The following ARID3B variants were observed in gnomAD, a reference collection of about 807,000 sequenced individuals.
ARID3B encodes the protein AT-rich interactive domain-containing protein 3B.
Under a neutral mutation model 51.9 loss-of-function variants are expected in ARID3B, and 10 were observed. The ratio of observed to expected loss-of-function variants is 0.19; its 90% confidence interval spans 0.12 to 0.33. The LOEUF (loss-of-function observed/expected upper bound fraction) is 0.33, where lower values mean the gene tolerates loss of function less well. Among genes scored for constraint, ARID3B ranks in the 10% least tolerant of loss-of-function variants. The probability of loss-of-function intolerance (pLI) is 1.00; values close to 1 mark genes in which losing one functional copy is unlikely to be tolerated. For synonymous variants in ARID3B, 205 were observed against 279.5 expected (o/e 0.73, Z 2.66); for missense variants, 483 against 716.3 (o/e 0.67, Z 3.72).
intron 2 of ARID3B, among the ~76,000 whole-genome samples, chr15:74,555,580 C>T (rs967466372): frequency 6.6e-6 from 1 of 152,078 alleles, no homozygotes; most frequent in African/African-American, 2.4e-5. Context: ...AATCCTCCTG[C>T]CTCAGCTTCC....
intron 2 of ARID3B, among the ~76,000 whole-genome samples, chr15:74,554,262 G>A (rs2061648575): frequency 6.6e-6 from 1 of 151,872 alleles, no homozygotes; most frequent in Non-Finnish European, 1.5e-5. Context: ...ACCCAACTCG[G>A]CCTCCCAAAG....
chr15:74,562,125 T>G (rs1040135822), intron 2 of ARID3B, among the ~76,000 whole-genome samples: 3 of 138,200 alleles, frequency 2.2e-5, no homozygotes, highest in Admixed American at 7.0e-5. Flanking sequence ...GACAACGGTA[T>G]TTTCTTTTCT....
intron 7 of ARID3B, 51 bp from the exon 8 acceptor site, chr15:74,593,087 G>A (rs1185760536): frequency 6.5e-7 from 1 of 1,550,122 alleles, no homozygotes; most frequent in South Asian, 1.1e-5. Context: ...GAGGACAACA[G>A]GAGTGCTGTG....
intron 4 of ARID3B, among the ~76,000 whole-genome samples, chr15:74,579,882 C>CGT (rs1188909986): frequency 6.8e-6 from 1 of 147,000 alleles, no homozygotes; most frequent in South Asian, 2.1e-4. Context: ...TGCGCGCGCG[C>CGT]GCACACGCAA....
At chr15:74,546,255 C>T (rs1358260317) in intron 2 of ARID3B, among the ~76,000 whole-genome samples, 2 of 152,250 alleles carry the variant, frequency 1.3e-5, no homozygotes, top group African/African-American at 2.4e-5. Context: ...CGGCTGCCCC[C>T]GCACTGCTGT....
intron 4 of ARID3B, 49 bp from the exon 5 acceptor site, chr15:74,589,771 C>T (rs375582258): frequency 3.2e-6 from 5 of 1,543,610 alleles, no homozygotes; most frequent in Non-Finnish European, 4.4e-6. Context: ...TCTTTCTTCT[C>T]AGCCTGATGA....
chr15:74,563,115 C>T (rs1388866786), intron 2 of ARID3B, among the ~76,000 whole-genome samples: 1 of 152,194 alleles, frequency 6.6e-6, no homozygotes, highest in Admixed American at 6.5e-5. Context: ...GAGCCTCGAC[C>T]ACCTGTCAGG....
chr15:74,549,368 C>T (rs1372579120), intron 2 of ARID3B, among the ~76,000 whole-genome samples: 1 of 152,004 alleles, frequency 6.6e-6, no homozygotes, highest in African/African-American at 2.4e-5. Context: ...AGCCACTGCG[C>T]CCGGCCGGGA....
chr15:74,560,415 G>A lies in ARID3B; in HGVS notation c.553-12447G>A, dbSNP rs187118921. Among the ~76,000 whole-genome samples the A allele has an allele frequency of 1.4e-4, 21 of 152,164 alleles. No homozygotes were observed. The East Asian group carries it at 4.1e-3, about 29-fold the overall frequency. On this transcript the variant is annotated intron_variant, in intron 2 of 8. Coordinates refer to ENST00000346246, the MANE Select transcript of ARID3B (RefSeq NM_006465.4). The stretch of plus-strand genomic sequence containing the variant: ...TTAACAGTTTGGTCTACACCTTCTT[G>A]GAGCTTTTTCTTTTCACAAATATAT...
At chr15:74,572,563 C>G (rs1327894961) in intron 2 of ARID3B, among the ~76,000 whole-genome samples, 3 of 152,156 alleles carry the variant, frequency 2.0e-5, no homozygotes, top group African/African-American at 7.2e-5. Flanking sequence ...TTTGTGTCCT[C>G]CTCTTCCAGG....
At chr15:74,573,576 A>G (rs2061726885) in intron 4 of ARID3B, 1 of 247,202 alleles carries the variant, frequency 4.0e-6, no homozygotes, top group Non-Finnish European at 7.9e-6. Context: ...CTCATGGAGA[A>G]AGGTAAGTGA....
In ARID3B at chr15:74,590,006, G is replaced by C. The variant is rs771468960; in HGVS notation, c.881+3G>C. 6.2e-7 allele frequency: 1 copy of C among 1,607,066 alleles called. No individual in the cohort carries two copies. The highest frequency in any genetic ancestry group is 2.2e-5 in the East Asian group (1 of 44,692). Reference sequence around the variant, plus strand: ...GCCGCCTTCACCCTCAGGACGCAGTGAGTGGCCAGGGCCTGGGAGAAGGAA... The same window carrying C: ...GCCGCCTTCACCCTCAGGACGCAGTCAGTGGCCAGGGCCTGGGAGAAGGAA... On this transcript the variant is annotated splice_donor_region_variant and intron_variant, in intron 5 of 8. Transcript: ENST00000346246.
Position 74,596,945 on chromosome 15 carries a change from A to T in ARID3B, c.*1171A>T, listed in dbSNP as rs2061828693. The T allele has an allele frequency of 4.3e-6, 1 of 233,734 alleles. No individual in the cohort carries two copies. The highest frequency in any genetic ancestry group is 6.0e-5 in the East Asian group (1 of 16,582). The allele number at this position is 233,734 out of a possible 1,614,324, so 14.5% of individuals were successfully genotyped here. ...TGGGTGGAGGCATGCAGGGGAGACG[A>T]CTCAGGGATCGCGGGGGCGGGGAGG... On this transcript the variant is annotated 3_prime_UTR_variant, in exon 9 of 9. Transcript: ENST00000346246.
chr15:74,551,724 A>T (rs1402481972), intron 2 of ARID3B, among the ~76,000 whole-genome samples: 1 of 152,210 alleles, frequency 6.6e-6, no homozygotes, highest in Non-Finnish European at 1.5e-5. Flanking sequence ...CTTTTAAAAA[A>T]TTTCCTCTTG....
intron 1 of ARID3B, among the ~76,000 whole-genome samples, chr15:74,542,036 C>T (rs1200440408): frequency 6.6e-6 from 1 of 152,156 alleles, no homozygotes; most frequent in Non-Finnish European, 1.5e-5. Flanking sequence ...CTATAAGAGG[C>T]TGTGGGAGGG....
chr15:74,566,481 T>C (rs1426270721), intron 2 of ARID3B, among the ~76,000 whole-genome samples: 1 of 151,750 alleles, frequency 6.6e-6, no homozygotes, highest in African/African-American at 2.4e-5. Context: ...CGCGTGCCTG[T>C]AATCCCAGCT....
intron 1 of ARID3B, 30 bp from the exon 2 acceptor site, chr15:74,543,830 C>G: frequency 7.0e-7 from 1 of 1,431,782 alleles, no homozygotes; most frequent in Non-Finnish European, 9.5e-7. Flanking sequence ...TTTTCCCCCT[C>G]CTTCTTTGTG....
intron 1 of ARID3B, 115 bp from the exon 2 acceptor site, chr15:74,543,745 A>G: frequency 1.5e-6 from 1 of 648,698 alleles, no homozygotes. Flanking sequence ...TTAGGAGCAT[A>G]TGTTTAGCGT....
chr15:74,576,200 A>AGG (rs1380746588), intron 4 of ARID3B, among the ~76,000 whole-genome samples: 1 of 152,122 alleles, frequency 6.6e-6, no homozygotes, highest in East Asian at 1.9e-4. Context: ...TGGTTACTGT[A>AGG]GGACGTTTAG....
Sources: allele counts gnomAD v4.1 joint callset (sites outside exome capture counted in the v4.1 genomes callset), GRCh38; gene constraint gnomAD v4.1.1; transcripts MANE v1.5; gene names NCBI Gene and HGNC (gene_info 2026-07-23, HGNC 2026-07-21).